The following CCSAP variants were observed in gnomAD, a reference collection of about 807,000 sequenced individuals.
CCSAP encodes centriole, cilia and spindle-associated protein.
Under a neutral mutation model 25.9 loss-of-function variants are expected in CCSAP, and 17 were observed. The observed-to-expected ratio is 0.66, with a 90% CI of 0.45 to 0.99. The LOEUF (loss-of-function observed/expected upper bound fraction) is 0.99, where lower values mean the gene tolerates loss of function less well. Among genes scored for constraint, CCSAP ranks in the 50% least tolerant of loss-of-function variants. The probability of loss-of-function intolerance (pLI) is 0.00; values close to 1 mark genes in which losing one functional copy is unlikely to be tolerated. For missense variants in CCSAP, 339 were observed against 367.8 expected (o/e 0.92, Z 0.64); for synonymous variants, 169 against 157.1 (o/e 1.08, Z -0.57).
intron 2 of CCSAP, among the ~76,000 whole-genome samples, chr1:229,337,678 A>AAAAAATATATATATATATATATATATAT: frequency 1.5e-5 from 1 of 65,548 alleles, no homozygotes; most frequent in African/African-American, 6.0e-5. Flanking sequence ...CTCAAAAAAA[A>AAAAAATATATATATATATATATATATAT]ATATATATAT....
At chr1:229,340,895 T>C (rs779565602) in intron 2 of CCSAP, among the ~76,000 whole-genome samples, 4 of 152,110 alleles carry the variant, frequency 2.6e-5, no homozygotes, top group Non-Finnish European at 4.4e-5. Flanking sequence ...CGTTTTTTCA[T>C]CTATAAAACT....
At chr1:229,339,115 A>G (rs762997872) in intron 2 of CCSAP, among the ~76,000 whole-genome samples, 1 of 151,866 alleles carries the variant, frequency 6.6e-6, no homozygotes, top group Non-Finnish European at 1.5e-5. Flanking sequence ...AAAAACAGAA[A>G]TAAGAAAATA....
In CCSAP at chr1:229,332,780, C is replaced by T. The variant is rs74642129; in HGVS notation, c.368-5774G>A. On this transcript the variant is annotated intron_variant, in intron 2 of 3. Transcript: ENST00000284617. Reference sequence around the variant, plus strand: ...TCCTCAAGTTACACTAGTTATCGTTCAAGTGCTCAATACCCACATGTGGCT... The same window carrying T: ...TCCTCAAGTTACACTAGTTATCGTTTAAGTGCTCAATACCCACATGTGGCT... Among the ~76,000 whole-genome samples, 13 of 152,322 alleles carry T rather than the reference C, an allele frequency of 8.5e-5. No individual in the cohort carries two copies. In the East Asian group the frequency reaches 2.5e-3, roughly 29 times the overall value.
chr1:229,323,318 C>T lies in CCSAP; in HGVS notation c.*1917G>A, dbSNP rs1220287045. 1.3e-5 allele frequency: 2 copies of T among 152,164 alleles called. No individual in the cohort carries two copies. The highest frequency in any genetic ancestry group is 4.1e-4 in the South Asian group (2 of 4,830). The allele number at this position is 152,164 out of a possible 1,614,324, so 9.4% of individuals were successfully genotyped here. A position where few individuals can be genotyped will look rare whatever the true frequency, so the allele number is the denominator to read the frequency against. ...TTTTCTAAACAAGAGAAAAGTCTGG[C>T]GGTTCAAAGTCTAGAGGAAGTCGGG... On this transcript the variant is annotated 3_prime_UTR_variant, in exon 4 of 4. Coordinates refer to ENST00000284617, the MANE Select transcript of CCSAP (RefSeq NM_145257.5).
intron 2 of CCSAP, among the ~76,000 whole-genome samples, chr1:229,329,762 G>A (rs983690653): frequency 6.6e-6 from 1 of 152,170 alleles, no homozygotes; most frequent in Non-Finnish European, 1.5e-5. Flanking sequence ...AGGCCAACGA[G>A]GGTGGATCAC....
Position 229,335,185 on chromosome 1 carries a change from G to A in CCSAP, c.367+6914C>T, listed in dbSNP as rs1048304772. Among the ~76,000 whole-genome samples the A allele has an allele frequency of 4.1e-4, 63 of 152,258 alleles. 1 individual carries two copies. Among genetic ancestry groups the A allele is most frequent in the African/African-American group, 1.4e-3 (59 of 41,538 alleles). The stretch of plus-strand genomic sequence containing the variant: ...AAATAAAAAAATAGCCAGGTATAAT[G>A]ACGCACACCTGTGGTCCCAGCTACT... On this transcript the variant is annotated intron_variant, in intron 2 of 3. Transcript: ENST00000284617.
chr1:229,330,669 C>T (rs1012802358), intron 2 of CCSAP, among the ~76,000 whole-genome samples: 18 of 151,950 alleles, frequency 1.2e-4, no homozygotes, highest in Non-Finnish European at 2.5e-4. Context: ...GGTGAAACCT[C>T]GTCTCTAGTA....
chr1:229,332,694 G>A (rs891676222), intron 2 of CCSAP, among the ~76,000 whole-genome samples: 2 of 151,938 alleles, frequency 1.3e-5, no homozygotes, highest in Admixed American at 6.6e-5. Context: ...TGAACCACAC[G>A]TGGTTACTAA....
Position 229,335,034 on chromosome 1 carries a change from C to T in CCSAP, c.367+7065G>A, listed in dbSNP as rs557867553. Among the ~76,000 whole-genome samples the T allele has an allele frequency of 4.1e-4, 63 of 152,252 alleles. 1 individual carries two copies. The highest frequency in any genetic ancestry group is 1.4e-3 in the African/African-American group (59 of 41,536). On this transcript the variant is annotated intron_variant, in intron 2 of 3. Transcript: ENST00000284617. ...TGAGCCCTAGAAAGAATCACATGAG[C>T]CAGATGTGGTGGCTCACGTCTATCA...
At chr1:229,326,714 G>GA in intron 3 of CCSAP, 24 bp downstream of exon 3, 1 of 1,611,744 alleles carries the variant, frequency 6.2e-7, no homozygotes, top group African/African-American at 1.3e-5. Context: ...AGGGAACACA[G>GA]AACCACAAGG....
rs531261010 is a variant in CCSAP at position 229,324,128 on chromosome 1, G to C, written c.*1107C>G. The stretch of plus-strand genomic sequence containing the variant: ...ATTAAAGTGTAGATAAGATCTACTG[G>C]CTAGGAATCAAAGAGTAACGTATTT... On this transcript the variant is annotated 3_prime_UTR_variant, in exon 4 of 4. Coordinates refer to ENST00000284617, the MANE Select transcript of CCSAP (RefSeq NM_145257.5). 11 of 152,486 alleles carry C rather than the reference G, an allele frequency of 7.2e-5. No homozygotes were observed. The highest frequency in any genetic ancestry group is 1.5e-4 in the Non-Finnish European group (10 of 68,010). The allele number at this position is 152,486 out of a possible 1,614,324, so 9.4% of individuals were successfully genotyped here.
At chr1:229,328,558 C>T (rs771675474) in intron 2 of CCSAP, among the ~76,000 whole-genome samples, 6 of 152,186 alleles carry the variant, frequency 3.9e-5, no homozygotes, top group African/African-American at 1.2e-4. Flanking sequence ...CCTCCTGCCT[C>T]GGCCTCCCAA....
chr1:229,342,206 G>A lies in CCSAP; in HGVS notation c.260C>T (p.Pro87Leu). The change falls in exon 2 of 4, where the codon CCG becomes CTG. Residue 87 changes from proline to leucine, a missense_variant. Coordinates refer to ENST00000284617, the MANE Select transcript of CCSAP (RefSeq NM_145257.5). This position sits in a 1 kb window ranked among gnomAD's most constrained non-coding sequence, Gnocchi z 7.5. ...CCGTTCCGCCTCCTCCTGGGTCGCC[G>A]GCTCTACGGGCGGCGGGGGCGAGGG... ...APPSPPPPVE[P>L]ATQEEAERRA... is the part of the protein sequence containing the mutation. The A allele has an allele frequency of 8.0e-7, 1 of 1,255,038 alleles. No homozygotes were observed. The highest frequency in any genetic ancestry group is 1.6e-5 in the African/African-American group (1 of 64,294). 77.7% of individuals were successfully genotyped at this position (1,255,038 alleles called of 1,614,324 possible). A position where few individuals can be genotyped will look rare whatever the true frequency, so the allele number is the denominator to read the frequency against.
chr1:229,336,687 A>C (rs961326850), intron 2 of CCSAP, among the ~76,000 whole-genome samples: 3 of 152,230 alleles, frequency 2.0e-5, no homozygotes, highest in African/African-American at 7.2e-5. Flanking sequence ...CAAACATCTG[A>C]GTACATCCTC....
At chr1:229,327,544 G>A (rs986210897) in intron 2 of CCSAP, 12 of 456,042 alleles carry the variant, frequency 2.6e-5, no homozygotes, top group Non-Finnish European at 4.4e-5. Flanking sequence ...GCCTAGGTGC[G>A]CAGCCAGGCA....
At chr1:229,334,850 G>C (rs72749845) in intron 2 of CCSAP, among the ~76,000 whole-genome samples, 107 of 152,306 alleles carry the variant, frequency 7.0e-4, no homozygotes, top group Non-Finnish European at 1.2e-3. Flanking sequence ...AAGGTATAAA[G>C]CCACAAGGAC....
At chr1:229,333,397 C>T (rs1188528262) in intron 2 of CCSAP, among the ~76,000 whole-genome samples, 1 of 141,862 alleles carries the variant, frequency 7.0e-6, no homozygotes, top group African/African-American at 2.6e-5. Context: ...CGCGCCACTG[C>T]ACTCCAGCCT....
intron 2 of CCSAP, among the ~76,000 whole-genome samples, chr1:229,333,161 G>C (rs760031484): frequency 6.6e-6 from 1 of 152,096 alleles, no homozygotes; most frequent in Non-Finnish European, 1.5e-5. Context: ...GGCCGGGCGC[G>C]GTGGCTCACG....
At chr1:229,333,945 T>G (rs903444280) in intron 2 of CCSAP, among the ~76,000 whole-genome samples, 1 of 152,214 alleles carries the variant, frequency 6.6e-6, no homozygotes, top group Non-Finnish European at 1.5e-5. Flanking sequence ...GTGTATTTTA[T>G]GTATTTCAGC....
Sources: gnomAD v4.1 joint callset for allele counts (sites outside exome capture counted in the v4.1 genomes callset) on GRCh38, gnomAD v4.1.1 for gene constraint, Gnocchi (gnomAD v3.1) non-coding constraint, MANE v1.5 for transcripts, NCBI Gene and HGNC (gene_info 2026-07-23, HGNC 2026-07-21) for gene names.